The following KLHL8 variants were observed in gnomAD, a reference collection of about 807,000 sequenced individuals.
KLHL8 encodes the protein kelch-like protein 8.
Under a neutral mutation model 63.5 loss-of-function variants are expected in KLHL8, and 38 were observed. The ratio of observed to expected loss-of-function variants is 0.60; its 90% confidence interval spans 0.46 to 0.78. The LOEUF is 0.78. Ranked by LOEUF, KLHL8 falls within the 30% of genes least tolerant of loss-of-function variation. The pLI, the probability that KLHL8 is intolerant of heterozygous loss-of-function variation, is 0.00. For synonymous variants in KLHL8, 224 were observed against 254.3 expected, an observed-to-expected ratio of 0.88 and a Z score of 1.13; for missense variants, 566 against 752.4, an observed-to-expected ratio of 0.75 and a Z score of 2.90.
intron 1 of KLHL8, among the ~76,000 whole-genome samples, chr4:87,208,773 C>T (rs1419895942): frequency 6.6e-6 from 1 of 152,062 alleles, no homozygotes; most frequent in African/African-American, 2.4e-5. Flanking sequence ...TATACTTTTC[C>T]CCCTTACATC....
intron 2 of KLHL8, among the ~76,000 whole-genome samples, chr4:87,192,339 C>G (rs961329470): frequency 2.6e-5 from 4 of 152,072 alleles, no homozygotes; most frequent in African/African-American, 9.7e-5. Context: ...CTTTGTGGTT[C>G]TGGTTTGCAT....
chr4:87,208,008 C>A, intron 1 of KLHL8: 2 of 709,302 alleles, frequency 2.8e-6, no homozygotes, highest in South Asian at 2.8e-5. Flanking sequence ...ACCACTTTGT[C>A]AAGATCATTT....
chr4:87,181,456 T>C (rs7698284), intron 4 of KLHL8, among the ~76,000 whole-genome samples: 46,782 of 151,796 alleles, frequency 0.31, 7,939 homozygotes, highest in African/African-American at 0.44. Flanking sequence ...ATTAATAAAT[T>C]TGCCCAAAAT....
At position 87,163,510 on chromosome 4, in the gene KLHL8, G is replaced by C. The variant is rs766717322; in HGVS notation, c.*9C>G. 1.2e-6 allele frequency: 2 copies of C among 1,613,654 alleles called. No individual in the cohort carries two copies. Among genetic ancestry groups the C allele is most frequent in the Non-Finnish European group, 1.7e-6 (2 of 1,179,838 alleles). On this transcript the variant is annotated 3_prime_UTR_variant, in exon 10 of 10. Transcript: ENST00000273963. Reference sequence around the variant, plus strand: ...GATATGACTAAATTGTTGGTGGCCAGAACTCAAATCACATACAGTCAACCA... The same window carrying C: ...GATATGACTAAATTGTTGGTGGCCACAACTCAAATCACATACAGTCAACCA...
rs112727264 is a variant in KLHL8, at chr4:87,225,840, G to A, written n.58-4450C>T. ...CTAGTGCTGGTGACTTTTGAAATGC[G>A]GGTGTTGTTGTTTTTTTGTTTTGTT... On this transcript the variant is annotated intron_variant and non_coding_transcript_variant, in intron 1 of 1. Transcript: ENST00000506274. Among the ~76,000 whole-genome samples, 274 of 152,218 alleles carry A rather than the reference G, an allele frequency of 1.8e-3. 1 individual carries two copies. Among genetic ancestry groups the A allele is most frequent in the Middle Eastern group, 6.8e-3 (2 of 294 alleles).
At chr4:87,210,615 G>A (rs979129048) in intron 1 of KLHL8, among the ~76,000 whole-genome samples, 1 of 152,200 alleles carries the variant, frequency 6.6e-6, no homozygotes, top group Non-Finnish European at 1.5e-5. Flanking sequence ...TGGAAGACGT[G>A]TGTGCATTTA....
chr4:87,211,531 C>T (rs1477921931), intron 1 of KLHL8, among the ~76,000 whole-genome samples: 1 of 152,212 alleles, frequency 6.6e-6, no homozygotes, highest in Admixed American at 6.5e-5. Context: ...GTGGCTCAAG[C>T]CTGTAATCCC....
At chr4:87,194,307 G>A (rs966889309) in intron 2 of KLHL8, among the ~76,000 whole-genome samples, 2 of 152,106 alleles carry the variant, frequency 1.3e-5, no homozygotes, top group Admixed American at 6.5e-5. Context: ...AAACAGAGAG[G>A]GCAGCCCTCA....
intron 1 of KLHL8, among the ~76,000 whole-genome samples, chr4:87,213,834 A>G (rs1732493952): frequency 6.6e-6 from 1 of 152,214 alleles, no homozygotes; most frequent in South Asian, 2.1e-4. Context: ...TCTGTCAGCC[A>G]TACGCGACAC....
chr4:87,195,604 TAGAG>T lies in KLHL8; in HGVS notation c.-69_-66del. 1.5e-6 allele frequency: 2 copies of T among 1,374,734 alleles called. No individual in the cohort carries two copies. Among genetic ancestry groups the T allele is most frequent in the South Asian group, 2.4e-5 (2 of 82,234 alleles). 85.2% of individuals were successfully genotyped at this position (1,374,734 alleles called of 1,614,324 possible). A position where few individuals can be genotyped will look rare whatever the true frequency, so the allele number is the denominator to read the frequency against. On this transcript the variant is annotated 5_prime_UTR_variant, in exon 2 of 10. Coordinates refer to ENST00000273963, the MANE Select transcript of KLHL8 (RefSeq NM_020803.5). ...ATGCCATTTATTTTTTTTCAAAGGGTAGAGAGAAGGCAGAAGGTAGATGTAGACA... is the reference window on the plus strand; with the variant it reads ...ATGCCATTTATTTTTTTTCAAAGGGTAGAAGGCAGAAGGTAGATGTAGACA...
Position 87,178,492 on chromosome 4 carries a change from C to A in KLHL8, c.1081G>T (p.Val361Leu), listed in dbSNP as rs765167374. The A allele has an allele frequency of 7.5e-6, 12 of 1,609,966 alleles. No individual in the cohort carries two copies. Among genetic ancestry groups the A allele is most frequent in the South Asian group, 2.2e-5 (2 of 90,110 alleles). Residue 361 changes from valine (V) to leucine (L), a missense_variant, in exon 5 of 10, where the codon GTA becomes TTA. Val to Leu is a conservative substitution (Grantham distance 32). Coordinates refer to ENST00000273963, the MANE Select transcript of KLHL8 (RefSeq NM_020803.5). ...GTGGACCCACCTTCCACAGAGATTA[C>A]ACCCACATGTCGCCTTCGACTATTC... ...EMNSRRRHVGVISVEGKVYAV... is the reference protein window; with the variant it reads ...EMNSRRRHVGLISVEGKVYAV...
chr4:87,223,753 CAA>C (rs1732925092), upstream of KLHL8, among the ~76,000 whole-genome samples: 1 of 152,124 alleles, frequency 6.6e-6, no homozygotes, highest in Non-Finnish European at 1.5e-5. Context: ...ATATCTGTAA[CAA>C]TGCTCTCAAA....
At chr4:87,177,872 C>T (rs1730889730) in intron 5 of KLHL8, among the ~76,000 whole-genome samples, 2 of 152,086 alleles carry the variant, frequency 1.3e-5, no homozygotes, top group South Asian at 4.1e-4. Flanking sequence ...CTCCATAAAA[C>T]TGTTAATATG....
chr4:87,189,185 T>C (rs1243685545), intron 2 of KLHL8, among the ~76,000 whole-genome samples: 6 of 152,180 alleles, frequency 3.9e-5, no homozygotes, highest in African/African-American at 9.6e-5. Context: ...TGAACACAGG[T>C]TGAACAACTG....
intron 2 of KLHL8, among the ~76,000 whole-genome samples, chr4:87,188,836 A>T (rs1731360026): frequency 6.6e-6 from 1 of 152,246 alleles, no homozygotes; most frequent in Admixed American, 6.5e-5. Context: ...ACATAATATT[A>T]GACATTACCG....
At chr4:87,232,171 A>G (rs1484150280) in intron 1 of KLHL8, among the ~76,000 whole-genome samples, 1 of 152,200 alleles carries the variant, frequency 6.6e-6, no homozygotes, top group Non-Finnish European at 1.5e-5. Context: ...TCTTTCTCCC[A>G]TAGTAAACAC....
At chr4:87,215,966 C>A (rs1732580284) in intron 1 of KLHL8, among the ~76,000 whole-genome samples, 1 of 152,178 alleles carries the variant, frequency 6.6e-6, no homozygotes, top group Admixed American at 6.5e-5. Context: ...ATATCATCAT[C>A]TAGTTTGAAA....
intron 1 of KLHL8, among the ~76,000 whole-genome samples, chr4:87,199,662 A>C (rs1161507619): frequency 1.5e-5 from 1 of 65,062 alleles, no homozygotes; most frequent in African/African-American, 3.0e-5. Context: ...ATTAAAAAAA[A>C]AACAAAAAAA....
chr4:87,182,107 T>C (rs1212470848), intron 4 of KLHL8, among the ~76,000 whole-genome samples: 1 of 151,602 alleles, frequency 6.6e-6, no homozygotes, highest in East Asian at 1.9e-4. Flanking sequence ...TGGGCGCCTG[T>C]AGTCCCAGCT....
Sources: gnomAD v4.1 joint callset for allele counts (sites outside exome capture counted in the v4.1 genomes callset) on GRCh38, gnomAD v4.1.1 for gene constraint, MANE v1.5 for transcripts, NCBI Gene and HGNC (gene_info 2026-07-23, HGNC 2026-07-21) for gene names.